Variants in C13orf46 observed in about 807,000 individuals in gnomAD.
The protein encoded by C13orf46 is uncharacterized protein C13orf46.
chr13:113,938,131 C>A, the C13orf46 span, among the ~76,000 whole-genome samples: 1 of 152,296 alleles, frequency 6.6e-6, no homozygotes, highest in Non-Finnish European at 1.5e-5. Flanking sequence ...ACATGCAGCT[C>A]AAAGGGGGAG....
In C13orf46 at chr13:113,955,627, T is replaced by C. The variant is rs1364878534; in HGVS notation, c.*1146A>G. 1 of 104,404 alleles carries C rather than the reference T, an allele frequency of 9.6e-6. No individual in the cohort carries two copies. Among genetic ancestry groups the C allele is most frequent in the African/African-American group, 3.6e-5 (1 of 27,830 alleles). The allele number at this position is 104,404 out of a possible 1,614,324, so 6.5% of individuals were successfully genotyped here. ...CATCTGGCAGAGACGAGGAGTAGTG[T>C]CTGGCGGAGACGAGGAGTAGTGTCT... On this transcript the variant is annotated 3_prime_UTR_variant, in exon 7 of 7. Coordinates refer to ENST00000636427, the MANE Select transcript of C13orf46 (RefSeq NM_001365455.2).
downstream of C13orf46, among the ~76,000 whole-genome samples, chr13:113,953,534 A>G (rs930330729): frequency 1.3e-5 from 2 of 152,232 alleles, no homozygotes; most frequent in East Asian, 3.9e-4. Context: ...TCAGAGCCCA[A>G]CAGAAGGCAA....
In C13orf46 at chr13:113,957,965, G is replaced by T. The variant is rs1443186464; in HGVS notation, c.573-1126C>A. On this transcript the variant is annotated intron_variant, in intron 6 of 6. Transcript: ENST00000636427. The stretch of plus-strand genomic sequence containing the variant: ...CCCCTTTCATCAAGTGCACTGGGGG[G>T]GTCTCCCCTGCACTCTGCCTGCACC... Among the ~76,000 whole-genome samples, 13 of 143,620 alleles carry T rather than the reference G, an allele frequency of 9.1e-5. No individual in the cohort carries two copies. In the East Asian group the frequency reaches 2.8e-3, roughly 31 times the overall value. The allele number at this position is 143,620 out of a possible 152,430, so 94.2% of individuals were successfully genotyped here.
the C13orf46 span, among the ~76,000 whole-genome samples, chr13:113,934,458 TAGA>T: frequency 3.4e-4 from 52 of 152,294 alleles, no homozygotes; most frequent in African/African-American, 1.2e-3. Context: ...GGGCCACAAT[TAGA>T]AGAAGGGGTC....
intron 1 of C13orf46, among the ~76,000 whole-genome samples, chr13:113,971,575 C>T (rs375418311): frequency 2.5e-4 from 38 of 152,310 alleles, no homozygotes; most frequent in African/African-American, 7.5e-4. Context: ...CCTCCGTGAG[C>T]GCTGGTCTCC....
the C13orf46 span, among the ~76,000 whole-genome samples, chr13:113,936,142 T>C: frequency 6.6e-6 from 1 of 152,136 alleles, no homozygotes; most frequent in African/African-American, 2.4e-5. Flanking sequence ...AGGAGTCAAT[T>C]GAGTCATCAG....
At chr13:113,966,658 ATGG>A (rs1181777074) in intron 5 of C13orf46, among the ~76,000 whole-genome samples, 1 of 151,710 alleles carries the variant, frequency 6.6e-6, no homozygotes, top group African/African-American at 2.4e-5. Flanking sequence ...GATGGGAATG[ATGG>A]TGGTGATGTG....
At chr13:113,957,022 C>T (rs893514987) in intron 6 of C13orf46, among the ~76,000 whole-genome samples, 183 bp from the exon 7 acceptor site, 21 of 151,192 alleles carry the variant, frequency 1.4e-4, no homozygotes, top group African/African-American at 4.1e-4. Flanking sequence ...TATGCACCCC[C>T]GTTCATCAAG....
At chr13:113,971,960 G>A (rs2052710668) in intron 1 of C13orf46, among the ~76,000 whole-genome samples, 3 of 152,198 alleles carry the variant, frequency 2.0e-5, no homozygotes, top group Non-Finnish European at 4.4e-5. Context: ...AACCCTGAGG[G>A]TGCTGGTGCC....
downstream of C13orf46, among the ~76,000 whole-genome samples, chr13:113,949,890 A>G (rs2052482215): frequency 6.7e-6 from 1 of 148,792 alleles, no homozygotes; most frequent in Non-Finnish European, 1.5e-5. Context: ...AACCATCTGT[A>G]GAGTGGGGTC....
chr13:113,965,567 T>C lies in C13orf46; in HGVS notation c.505-573A>G, dbSNP rs1368067341. Among the ~76,000 whole-genome samples the C allele has an allele frequency of 2.0e-5, 3 of 148,792 alleles. No individual in the cohort carries two copies. In the East Asian group the frequency reaches 6.6e-4, roughly 33 times the overall value. ...ATAATGTTGATGGTGATGACGATGG[T>C]GATGATGATGATTATAATGGTGGTG... On this transcript the variant is annotated intron_variant, in intron 5 of 6. Transcript: ENST00000636427.
intron 1 of C13orf46, among the ~76,000 whole-genome samples, chr13:113,971,652 T>A (rs2052706949): frequency 6.6e-6 from 1 of 152,128 alleles, no homozygotes; most frequent in Non-Finnish European, 1.5e-5. Context: ...CCACCCCACG[T>A]CTCCCGCATC....
At chr13:113,965,608 A>G (rs2052627906) in intron 5 of C13orf46, among the ~76,000 whole-genome samples, 1 of 152,020 alleles carries the variant, frequency 6.6e-6, no homozygotes, top group Non-Finnish European at 1.5e-5. Context: ...GACGGTGACT[A>G]TACTGGTGAT....
intron 6 of C13orf46, among the ~76,000 whole-genome samples, chr13:113,961,358 T>C (rs2052585100): frequency 6.6e-6 from 1 of 151,912 alleles, no homozygotes; most frequent in Non-Finnish European, 1.5e-5. Flanking sequence ...TGTATGGGCA[T>C]GTTATCCGTG....
At chr13:113,958,601 T>G (rs976863644) in intron 6 of C13orf46, among the ~76,000 whole-genome samples, 1 of 152,250 alleles carries the variant, frequency 6.6e-6, no homozygotes, top group Non-Finnish European at 1.5e-5. Flanking sequence ...CCCCGCCGCC[T>G]GTCCAGGAAC....
rs2052532825 is a variant in C13orf46 at position 113,956,281 on chromosome 13, G to C, written c.*492C>G. ...AGGAGGAACATCCGGTGGAGAGGAG[G>C]AGCATCTGGTGGAGACGAGGAGCAT... On this transcript the variant is annotated 3_prime_UTR_variant, in exon 7 of 7. Coordinates refer to ENST00000636427, the MANE Select transcript of C13orf46 (RefSeq NM_001365455.2). 1 of 156,628 alleles carries C rather than the reference G, an allele frequency of 6.4e-6. No homozygotes were observed. The highest frequency in any genetic ancestry group is 1.9e-4 in the East Asian group (1 of 5,266). The allele number at this position is 156,628 out of a possible 1,614,324, so 9.7% of individuals were successfully genotyped here.
At chr13:113,937,220 C>T in the C13orf46 span, among the ~76,000 whole-genome samples, 1 of 152,192 alleles carries the variant, frequency 6.6e-6, no homozygotes, top group Non-Finnish European at 1.5e-5. Context: ...TGGGTTCATG[C>T]CTGTGGCATC....
rs1285748160 is a variant in C13orf46 at position 113,954,875 on chromosome 13, G to A, written c.*1898C>T. The A allele has an allele frequency of 5.3e-6, 1 of 189,776 alleles. No individual in the cohort carries two copies. The highest frequency in any genetic ancestry group is 1.1e-5 in the Non-Finnish European group (1 of 91,990). The allele number at this position is 189,776 out of a possible 1,614,324, so 11.8% of individuals were successfully genotyped here. A position where few individuals can be genotyped will look rare whatever the true frequency, so the allele number is the denominator to read the frequency against. The stretch of plus-strand genomic sequence containing the variant: ...ATGAGGAGCATCTCGTGGGGAGGAG[G>A]AGCATCTGGCAGAGACGAGGAGCAT... On this transcript the variant is annotated 3_prime_UTR_variant, in exon 7 of 7. Coordinates refer to ENST00000636427, the MANE Select transcript of C13orf46 (RefSeq NM_001365455.2).
downstream of C13orf46, among the ~76,000 whole-genome samples, chr13:113,952,246 G>A (rs954063674): frequency 3.9e-5 from 6 of 152,274 alleles, no homozygotes; most frequent in Non-Finnish European, 8.8e-5. Flanking sequence ...GAGGAACTGC[G>A]CCGGCTCAGG....
Sources: gnomAD v4.1 joint callset for allele counts (sites outside exome capture counted in the v4.1 genomes callset) on GRCh38, gnomAD v4.1.1 for gene constraint, MANE v1.5 for transcripts, NCBI Gene and HGNC (gene_info 2026-07-23, HGNC 2026-07-21) for gene names.